The following CFAP36 variants were observed in gnomAD, a reference collection of about 807,000 sequenced individuals.
CFAP36 encodes cilia and flagella associated protein 36, also known as cilia- and flagella-associated protein 36.
CFAP36 carries 37 observed loss-of-function variants against 50.5 expected under a neutral mutation model. The ratio of observed to expected loss-of-function variants is 0.73; its 90% CI spans 0.56 to 0.96. CFAP36 has a LOEUF of 0.96. Among genes scored for constraint, CFAP36 ranks in the 50% least tolerant of loss-of-function variants. CFAP36 has a pLI of 0.00. For missense variants in CFAP36, 407 were observed against 396.2 expected, an observed-to-expected ratio of 1.03 and a Z score of -0.23; for synonymous variants, 138 against 128.2, an observed-to-expected ratio of 1.08 and a Z score of -0.52.
intron 5 of CFAP36, 113 bp downstream of exon 5, chr2:55,534,073 A>T: frequency 1.9e-6 from 1 of 518,018 alleles, no homozygotes; most frequent in Non-Finnish European, 3.4e-6. Context: ...TCTCTACTGA[A>T]AACCATCAAA....
rs778491675 is a variant in CFAP36 at position 55,535,748 on chromosome 2, G to C, written c.522G>C (p.Arg174Ser). Reference protein sequence around the residue: ...SKEEYDQEEERKRKKQLSEAK... With the variant: ...SKEEYDQEEESKRKKQLSEAK... The stretch of plus-strand genomic sequence containing the variant: ...AGGAATATGACCAGGAAGAAGAAAG[G>C]AAGAGGAAAAAACAGGTGCCTACAG... Residue 174 changes from arginine (R) to serine (S), a missense_variant, in exon 6 of 10, where the codon AGG becomes AGC. Arg to Ser is a moderately radical substitution (Grantham distance 110). Coordinates refer to ENST00000349456, the MANE Select transcript of CFAP36 (RefSeq NM_080667.7). 6.5e-7 allele frequency: 1 copy of C among 1,550,112 alleles called. No individual in the cohort carries two copies. The highest frequency in any genetic ancestry group is 8.6e-7 in the Non-Finnish European group (1 of 1,158,556).
intron 7 of CFAP36, among the ~76,000 whole-genome samples, chr2:55,542,317 T>G (rs1684657544): frequency 1.3e-5 from 2 of 152,094 alleles, no homozygotes; most frequent in Non-Finnish European, 2.9e-5. Context: ...ATTTCAATTT[T>G]TAAAATAATT....
intron 4 of CFAP36, among the ~76,000 whole-genome samples, chr2:55,529,919 G>A (rs1185447987): frequency 6.6e-6 from 1 of 152,156 alleles, no homozygotes; most frequent in East Asian, 1.9e-4. Context: ...GTGGCCGGAA[G>A]CAGTGGTTCT....
chr2:55,526,729 C>G (rs934420494), intron 3 of CFAP36, among the ~76,000 whole-genome samples: 1 of 152,050 alleles, frequency 6.6e-6, no homozygotes, highest in African/African-American at 2.4e-5. Context: ...AGGTGTGAGC[C>G]ACTACATTTT....
At chr2:55,537,074 C>T (rs879485416) in intron 6 of CFAP36, among the ~76,000 whole-genome samples, 1 of 152,128 alleles carries the variant, frequency 6.6e-6, no homozygotes, top group Non-Finnish European at 1.5e-5. Flanking sequence ...AGAGTGTATA[C>T]TTTATACTTT....
chr2:55,522,300 C>T (rs1272848539), intron 2 of CFAP36, 134 bp downstream of exon 2: 3 of 534,374 alleles, frequency 5.6e-6, no homozygotes, highest in Admixed American at 3.4e-5. Flanking sequence ...AACAATAGTG[C>T]CAGTTATATC....
At chr2:55,532,718 A>C (rs1023144035) in intron 4 of CFAP36, among the ~76,000 whole-genome samples, 2 of 152,286 alleles carry the variant, frequency 1.3e-5, no homozygotes, top group East Asian at 3.8e-4. Context: ...TATAAACATC[A>C]GGAGGATTAG....
At chr2:55,531,235 G>A (rs755232030) in intron 4 of CFAP36, 2 of 152,094 alleles carry the variant, frequency 1.3e-5, no homozygotes, top group Non-Finnish European at 2.9e-5. Flanking sequence ...TGAAAACTAT[G>A]CTTTATTCTG....
At chr2:55,523,895 G>C (rs897980743) in intron 3 of CFAP36, 73 bp downstream of exon 3, 14 of 903,974 alleles carry the variant, frequency 1.5e-5, no homozygotes, top group Non-Finnish European at 2.3e-5. Context: ...ACTTAAATTT[G>C]AATGTTTGAT....
At chr2:55,532,191 G>C (rs1357232405) in intron 4 of CFAP36, among the ~76,000 whole-genome samples, 1 of 150,258 alleles carries the variant, frequency 6.7e-6, no homozygotes, top group African/African-American at 2.5e-5. Flanking sequence ...AACAGAGCAA[G>C]ACCCTGTCTC....
chr2:55,522,810 T>C (rs968304325), intron 2 of CFAP36, among the ~76,000 whole-genome samples: 6 of 152,070 alleles, frequency 3.9e-5, no homozygotes, highest in South Asian at 2.1e-4. Context: ...AAAATGCCTC[T>C]GGCAGTGGGG....
chr2:55,528,548 C>T (rs556739038), intron 3 of CFAP36, among the ~76,000 whole-genome samples: 4 of 152,038 alleles, frequency 2.6e-5, no homozygotes, highest in East Asian at 1.9e-4. Context: ...TATGCACCAC[C>T]GCACCTGGCT....
At chr2:55,528,714 G>A (rs936407226) in intron 3 of CFAP36, among the ~76,000 whole-genome samples, 164 bp from the exon 4 acceptor site, 2 of 151,982 alleles carry the variant, frequency 1.3e-5, no homozygotes, top group African/African-American at 4.8e-5. Context: ...TGTTTTAAAG[G>A]CTATTAAGAT....
rs1002509808 is a variant in CFAP36, at chr2:55,542,797, C to T, written c.641-1141C>T. ...GGGCTAAGCCTACCTCTGCTAACGT[C>T]ACTCTCAGTAATAACAGCGGTGTTT... On this transcript the variant is annotated intron_variant, in intron 7 of 9. Transcript: ENST00000349456. Among the ~76,000 whole-genome samples the T allele has an allele frequency of 2.0e-5, 3 of 152,234 alleles. No individual in the cohort carries two copies. The East Asian group carries it at 5.8e-4, about 29-fold the overall frequency.
At chr2:55,527,628 G>T (rs541300737) in intron 3 of CFAP36, among the ~76,000 whole-genome samples, 10 of 151,954 alleles carry the variant, frequency 6.6e-5, no homozygotes, top group Non-Finnish European at 1.3e-4. Context: ...AGCACCTTCA[G>T]TCAACTGAAT....
chr2:55,529,419 C>G (rs1349230728), intron 4 of CFAP36, among the ~76,000 whole-genome samples: 13 of 146,284 alleles, frequency 8.9e-5, no homozygotes, highest in Non-Finnish European at 1.5e-5. Context: ...GAGACCCTGT[C>G]TCAAAAAAAA....
chr2:55,536,068 T>C (rs1684477430), intron 6 of CFAP36, among the ~76,000 whole-genome samples: 1 of 152,120 alleles, frequency 6.6e-6, no homozygotes, highest in Admixed American at 6.6e-5. Context: ...AGTTTAAGCA[T>C]TTGTTTTTAA....
At chr2:55,531,596 TTC>T (rs771052002) in intron 4 of CFAP36, among the ~76,000 whole-genome samples, 18 of 152,232 alleles carry the variant, frequency 1.2e-4, no homozygotes, top group Non-Finnish European at 2.2e-4. Flanking sequence ...TCTCAGAATC[TTC>T]TCTCATGATT....
chr2:55,534,769 T>A (rs1243855520), intron 5 of CFAP36, among the ~76,000 whole-genome samples: 1 of 152,192 alleles, frequency 6.6e-6, no homozygotes, highest in Non-Finnish European at 1.5e-5. Flanking sequence ...TCTTCTAGCA[T>A]CCTACAGTTC....
Sources: allele counts gnomAD v4.1 joint callset (sites outside exome capture counted in the v4.1 genomes callset), GRCh38; gene constraint gnomAD v4.1.1; transcripts MANE v1.5; gene names NCBI Gene and HGNC (gene_info 2026-07-23, HGNC 2026-07-21).